Variants in INPP4B observed in about 807,000 individuals in gnomAD.
INPP4B encodes inositol polyphosphate-4-phosphatase type II B, also known as inositol polyphosphate 4-phosphatase type II.
Under a neutral mutation model 122.5 loss-of-function variants are expected in INPP4B, and 55 were observed. That is an observed-to-expected ratio of 0.45 (90% CI 0.36 to 0.56). The LOEUF is 0.56. Among genes scored for constraint, INPP4B ranks in the 20% least tolerant of loss-of-function variants. INPP4B has a pLI of 0.00. For synonymous variants in INPP4B, 403 were observed against 388.7 expected, an observed-to-expected ratio of 1.04 and a Z score of -0.43; for missense variants, 1,000 against 1,097.7, an observed-to-expected ratio of 0.91 and a Z score of 1.26.
intron 14 of INPP4B, among the ~76,000 whole-genome samples, chr4:142,198,656 C>T (rs1488905335): frequency 2.0e-5 from 3 of 151,804 alleles, no homozygotes; most frequent in African/African-American, 7.3e-5. Flanking sequence ...TATTCCTTTG[C>T]TTCAGAGGGT....
intron 1 of INPP4B, among the ~76,000 whole-genome samples, chr4:142,762,547 C>T (rs1771507293): frequency 6.6e-6 from 1 of 152,124 alleles, no homozygotes; most frequent in Non-Finnish European, 1.5e-5. Context: ...CTACAAGAAG[C>T]ATTTTTCAGC....
At chr4:142,643,031 T>C (rs569227043) in intron 2 of INPP4B, among the ~76,000 whole-genome samples, 1 of 152,336 alleles carries the variant, frequency 6.6e-6, no homozygotes, top group African/African-American at 2.4e-5. Context: ...TTTGAAGCAA[T>C]TGTGAATGGG....
chr4:142,805,670 ATAAGTATATTTTC>A (rs770546781), intron 1 of INPP4B, among the ~76,000 whole-genome samples: 4 of 152,170 alleles, frequency 2.6e-5, no homozygotes, highest in African/African-American at 4.8e-5. Context: ...TTAGTGAGTA[ATAAGTATATTTTC>A]TCTTGTGATT....
At chr4:142,471,933 A>G (rs1818915491) in intron 2 of INPP4B, among the ~76,000 whole-genome samples, 1 of 152,166 alleles carries the variant, frequency 6.6e-6, no homozygotes, top group Non-Finnish European at 1.5e-5. Context: ...TGGTATAAAG[A>G]TATATTAATA....
At chr4:142,228,835 C>A (rs978982029) in intron 12 of INPP4B, among the ~76,000 whole-genome samples, 15 of 151,412 alleles carry the variant, frequency 9.9e-5, no homozygotes, top group African/African-American at 3.6e-4. Flanking sequence ...ATAGGAATAT[C>A]CCAGTTTCCA....
intron 3 of INPP4B, among the ~76,000 whole-genome samples, chr4:142,460,047 C>T (rs970176675): frequency 6.6e-6 from 1 of 152,164 alleles, no homozygotes; most frequent in Non-Finnish European, 1.5e-5. Flanking sequence ...AGCCTCCTTG[C>T]TTTTTCTAAC....
At chr4:142,644,872 C>A (rs1161398845) in intron 2 of INPP4B, among the ~76,000 whole-genome samples, 1 of 130,530 alleles carries the variant, frequency 7.7e-6, no homozygotes, top group Non-Finnish European at 1.6e-5. Flanking sequence ...GGCCACTGCA[C>A]TCCAGCCTGA....
intron 23 of INPP4B, among the ~76,000 whole-genome samples, chr4:142,107,837 T>C (rs1787925334): frequency 6.6e-6 from 1 of 152,146 alleles, no homozygotes; most frequent in Non-Finnish European, 1.5e-5. Context: ...ATTTTTATTA[T>C]TTGGCATTTT....
chr4:142,736,123 G>A (rs911476435), intron 1 of INPP4B, among the ~76,000 whole-genome samples: 1 of 152,032 alleles, frequency 6.6e-6, no homozygotes, highest in East Asian at 1.9e-4. Context: ...CCTAGAGTTC[G>A]TTAGAAATAC....
intron 7 of INPP4B, among the ~76,000 whole-genome samples, chr4:142,366,168 A>C (rs1787388028): frequency 6.6e-6 from 1 of 152,052 alleles, no homozygotes; most frequent in African/African-American, 2.4e-5. Context: ...CCCACACTTC[A>C]GAATGTACTT....
chr4:142,178,041 G>A (rs977988525), intron 15 of INPP4B, among the ~76,000 whole-genome samples: 32 of 152,054 alleles, frequency 2.1e-4, no homozygotes, highest in African/African-American at 5.5e-4. Context: ...GGACTTTCCC[G>A]CTGGACTCCA....
intron 1 of INPP4B, among the ~76,000 whole-genome samples, chr4:142,783,216 A>C (rs1306946912): frequency 2.0e-5 from 3 of 152,290 alleles, no homozygotes; most frequent in Admixed American, 1.3e-4. Context: ...CTACCATCAG[A>C]GTGAACAGGC....
At chr4:142,650,288 C>T (rs1398684603) in intron 2 of INPP4B, among the ~76,000 whole-genome samples, 1 of 152,168 alleles carries the variant, frequency 6.6e-6, no homozygotes, top group Admixed American at 6.5e-5. Context: ...ATCATTGATG[C>T]TATGAAGAAA....
intron 15 of INPP4B, among the ~76,000 whole-genome samples, chr4:142,176,699 C>G (rs1828457046): frequency 6.6e-6 from 1 of 152,066 alleles, no homozygotes; most frequent in South Asian, 2.1e-4. Context: ...AATGCAGATT[C>G]CTTGGCAACA....
chr4:142,109,049 C>A (rs775739931), intron 22 of INPP4B, among the ~76,000 whole-genome samples: 2 of 152,108 alleles, frequency 1.3e-5, no homozygotes, highest in Non-Finnish European at 2.9e-5. Flanking sequence ...GGCATTAATT[C>A]AGGTTCAAAA....
At chr4:142,695,579 G>C (rs1237958577) in intron 2 of INPP4B, among the ~76,000 whole-genome samples, 1 of 152,000 alleles carries the variant, frequency 6.6e-6, no homozygotes, top group Non-Finnish European at 1.5e-5. Flanking sequence ...AAAATACTAT[G>C]CATAAATTTA....
rs79974574 is a variant in INPP4B, at chr4:142,488,420, C to T, written c.-190-25694G>A. On this transcript the variant is annotated intron_variant, in intron 2 of 25. Transcript: ENST00000262992. ...AAAATCAGGTGTGTAGTGCTCATTCCGCTTATACTTTATTAAAGTTTATAT... is the reference window on the plus strand; with the variant it reads ...AAAATCAGGTGTGTAGTGCTCATTCTGCTTATACTTTATTAAAGTTTATAT... Among the ~76,000 whole-genome samples, 1,097 of 151,990 alleles carry T rather than the reference C, an allele frequency of 7.2e-3. 16 individuals are homozygous for T. Among genetic ancestry groups the T allele is most frequent in the African/African-American group, 0.025 (1,031 of 41,466 alleles).
intron 17 of INPP4B, among the ~76,000 whole-genome samples, chr4:142,151,128 G>C (rs1188565664): frequency 6.6e-6 from 1 of 152,162 alleles, no homozygotes; most frequent in Non-Finnish European, 1.5e-5. Flanking sequence ...TACTGGCCAA[G>C]GTCTGTAATA....
intron 1 of INPP4B, among the ~76,000 whole-genome samples, chr4:142,774,962 T>C (rs1243729993): frequency 2.6e-5 from 4 of 152,102 alleles, no homozygotes; most frequent in Non-Finnish European, 4.4e-5. Flanking sequence ...TCCTCTTTAC[T>C]GTGACAGTTT....
Sources: gnomAD v4.1 joint callset for allele counts (sites outside exome capture counted in the v4.1 genomes callset) on GRCh38, gnomAD v4.1.1 for gene constraint, MANE v1.5 for transcripts, NCBI Gene and HGNC (gene_info 2026-07-23, HGNC 2026-07-21) for gene names.